PLCB1: variants seen among roughly 807,000 people sequenced by gnomAD.
The protein encoded by PLCB1 is phospholipase C beta 1.
A neutral mutation model predicts 161.8 loss-of-function variants in PLCB1; 46 were observed. The observed-to-expected ratio is 0.28, with a 90% CI of 0.22 to 0.36. PLCB1 has a LOEUF of 0.36. Ranked by LOEUF, PLCB1 falls within the 10% of genes least tolerant of loss-of-function variation. The pLI is 1.00. For synonymous variants in PLCB1, 517 were observed against 503.7 expected (o/e 1.03, Z -0.35); for missense variants, 1,016 against 1,472.5 (o/e 0.69, Z 5.07).
At chr20:8,874,785 T>C (rs367935024) in intron 31 of PLCB1, among the ~76,000 whole-genome samples, 9 of 152,052 alleles carry the variant, frequency 5.9e-5, no homozygotes, top group East Asian at 1.9e-4. Context: ...ATCAATGCTA[T>C]TTTTCCTGTA....
At chr20:8,462,572 A>G (rs1366333384) in intron 3 of PLCB1, among the ~76,000 whole-genome samples, 1 of 152,216 alleles carries the variant, frequency 6.6e-6, no homozygotes, top group Non-Finnish European at 1.5e-5. Context: ...ACTGTTTTGC[A>G]GCAAACCGAA....
rs533999937 is a variant in PLCB1, at chr20:8,815,151, G to C, written c.3423+24890G>C. 6.6e-5 allele frequency among the ~76,000 whole-genome samples: 10 copies of C among 152,194 alleles called. No homozygotes were observed. In the South Asian group the frequency reaches 2.1e-3, roughly 32 times the overall value. On this transcript the variant is annotated intron_variant, in intron 31 of 31. Transcript: ENST00000338037. Reference sequence around the variant, plus strand: ...GTTTGTTCCAGTCTTCTTTTCTCTGGGTTCCTTCCTTTATTCATTTTCAGC... The same window carrying C: ...GTTTGTTCCAGTCTTCTTTTCTCTGCGTTCCTTCCTTTATTCATTTTCAGC...
intron 3 of PLCB1, among the ~76,000 whole-genome samples, chr20:8,465,353 A>G (rs578168465): frequency 6.6e-6 from 1 of 152,282 alleles, no homozygotes; most frequent in African/African-American, 2.4e-5. Context: ...GGTTGTGGGT[A>G]TGAAATCTCT....
At position 8,481,859 on chromosome 20, in the gene PLCB1, AT is replaced by A. The variant is rs796303458; in HGVS notation, c.246+110419del. Among the ~76,000 whole-genome samples, 50 of 150,036 alleles carry A rather than the reference AT, an allele frequency of 3.3e-4. 1 individual carries two copies. In the East Asian group the frequency reaches 5.5e-3, roughly 16 times the overall value. On this transcript the variant is annotated intron_variant, in intron 3 of 31. Transcript: ENST00000338037. ...AAGTCGATGTTTTCTGTGAGTCATG[AT>A]TTTTTTTTTCCCCAAGCTGGAGTTG...
intron 4 of PLCB1, among the ~76,000 whole-genome samples, chr20:8,638,910 C>T (rs1988852997): frequency 6.6e-6 from 1 of 152,084 alleles, no homozygotes; most frequent in Non-Finnish European, 1.5e-5. Context: ...AACAGAAAAC[C>T]AAATCAAACA....
chr20:8,450,812 T>G (rs1981042933), intron 3 of PLCB1, among the ~76,000 whole-genome samples: 2 of 152,206 alleles, frequency 1.3e-5, no homozygotes, highest in South Asian at 4.1e-4. Flanking sequence ...TCCTAGAAGC[T>G]AATGTTACCC....
chr20:8,715,492 C>T (rs1049865421), intron 12 of PLCB1, among the ~76,000 whole-genome samples: 3 of 152,200 alleles, frequency 2.0e-5, no homozygotes, highest in Admixed American at 6.5e-5. Context: ...TTATTCTCCT[C>T]ATTTTATAGA....
chr20:8,587,009 A>G lies in PLCB1; in HGVS notation c.247-41285A>G, dbSNP rs1987010719. Reference sequence around the variant, plus strand: ...ATGAGCTGGTGGCATAAGCTGTATAACAATGATATTTTTATTAAATTTGAA... The same window carrying G: ...ATGAGCTGGTGGCATAAGCTGTATAGCAATGATATTTTTATTAAATTTGAA... On this transcript the variant is annotated intron_variant, in intron 3 of 31. Transcript: ENST00000338037. Among the ~76,000 whole-genome samples the G allele has an allele frequency of 3.3e-5, 5 of 152,276 alleles. No individual in the cohort carries two copies. In the South Asian group the frequency reaches 1.0e-3, roughly 32 times the overall value.
At chr20:8,539,621 T>TTTCTTTCTTTCTTTCC (rs1568499361) in intron 3 of PLCB1, among the ~76,000 whole-genome samples, 2 of 43,744 alleles carry the variant, frequency 4.6e-5, no homozygotes, top group African/African-American at 1.0e-4. Flanking sequence ...CTTTATTTTC[T>TTTCTTTCTTTCTTTCC]TTCTTTCTTT....
At chr20:8,137,726 C>T (rs1418884311) in intron 1 of PLCB1, among the ~76,000 whole-genome samples, 4 of 152,146 alleles carry the variant, frequency 2.6e-5, no homozygotes, top group African/African-American at 7.2e-5. Context: ...ATCACTTGCC[C>T]CAGAATTCCT....
intron 3 of PLCB1, among the ~76,000 whole-genome samples, chr20:8,433,269 A>C (rs1275276594): frequency 6.6e-6 from 1 of 152,232 alleles, no homozygotes; most frequent in Non-Finnish European, 1.5e-5. Flanking sequence ...TTAACCGTGA[A>C]CTTTCTATTA....
chr20:8,835,133 A>C (rs1986232194), intron 31 of PLCB1, among the ~76,000 whole-genome samples: 1 of 151,426 alleles, frequency 6.6e-6, no homozygotes, highest in South Asian at 2.1e-4. Flanking sequence ...ACAGGAGAGG[A>C]GTTGAGTGAG....
chr20:8,446,581 A>G, intron 3 of PLCB1, among the ~76,000 whole-genome samples: 1 of 152,232 alleles, frequency 6.6e-6, no homozygotes, highest in East Asian at 1.9e-4. Flanking sequence ...GGAGAAAGAA[A>G]TAAAGGGTAT....
Position 8,761,078 on chromosome 20 carries a change from G to A in PLCB1, c.2710+618G>A, listed in dbSNP as rs1981998510. On this transcript the variant is annotated intron_variant, in intron 25 of 31. Coordinates refer to ENST00000338037, the MANE Select transcript of PLCB1 (RefSeq NM_015192.4). ...ACAACCCAATGTCCATCAGCTGTAA[G>A]GTAGGTAAATAAATTGTGATAAATT... Among the ~76,000 whole-genome samples, 5 of 152,176 alleles carry A rather than the reference G, an allele frequency of 3.3e-5. No individual in the cohort carries two copies. In the South Asian group the frequency reaches 1.0e-3, roughly 32 times the overall value.
chr20:8,294,542 A>G (rs942605311), intron 2 of PLCB1, among the ~76,000 whole-genome samples: 6 of 151,722 alleles, frequency 4.0e-5, no homozygotes, highest in African/African-American at 1.5e-4. Flanking sequence ...GCATGCATGT[A>G]TATGTGTGTA....
intron 2 of PLCB1, among the ~76,000 whole-genome samples, chr20:8,182,027 T>C (rs1223849976): frequency 6.6e-6 from 1 of 152,164 alleles, no homozygotes. Context: ...CTCCAGTATA[T>C]ACCCATAAAG....
In PLCB1 at chr20:8,465,337, C is replaced by T. The variant is rs558174362; in HGVS notation, c.246+93887C>T. On this transcript the variant is annotated intron_variant, in intron 3 of 31. Coordinates refer to ENST00000338037, the MANE Select transcript of PLCB1 (RefSeq NM_015192.4). The stretch of plus-strand genomic sequence containing the variant: ...TGATGCAAGCCATAAACTCAAATAC[C>T]GACCAGGTTGTGGGTATGAAATCTC... Among the ~76,000 whole-genome samples, 30 of 152,166 alleles carry T rather than the reference C, an allele frequency of 2.0e-4. No homozygotes were observed. In the East Asian group the frequency reaches 5.2e-3, roughly 27 times the overall value.
Position 8,524,876 on chromosome 20 carries a change from T to A in PLCB1, c.247-103418T>A, listed in dbSNP as rs571513841. On this transcript the variant is annotated intron_variant, in intron 3 of 31. Coordinates refer to ENST00000338037, the MANE Select transcript of PLCB1 (RefSeq NM_015192.4). ...AAATAGTTTTACTGTAGGGGTGAGA[T>A]GTAGGAGAGGGAGGGAGCGTCTGTG... Among the ~76,000 whole-genome samples, 3 of 152,260 alleles carry A rather than the reference T, an allele frequency of 2.0e-5. No individual in the cohort carries two copies. In the South Asian group the frequency reaches 6.2e-4, roughly 32 times the overall value.
At chr20:8,458,234 G>A (rs561692966) in intron 3 of PLCB1, among the ~76,000 whole-genome samples, 11 of 152,186 alleles carry the variant, frequency 7.2e-5, no homozygotes, top group Non-Finnish European at 1.3e-4. Flanking sequence ...TGCTGTAGAG[G>A]TTGTGGTTTG....
Sources: allele counts gnomAD v4.1 joint callset (sites outside exome capture counted in the v4.1 genomes callset), GRCh38; gene constraint gnomAD v4.1.1; transcripts MANE v1.5; gene names NCBI Gene and HGNC (gene_info 2026-07-23, HGNC 2026-07-21).